Variants in B3GALT1 observed in about 807,000 individuals in gnomAD.
The protein encoded by B3GALT1 is beta-1,3-galactosyltransferase 1, also known as UDP-Gal:betaGlcNAc beta 1,3-galactosyltransferase, polypeptide 1.
Under a neutral mutation model 23.2 loss-of-function variants are expected in B3GALT1, and 10 were observed. The ratio of observed to expected loss-of-function variants is 0.43; its 90% CI spans 0.27 to 0.73. B3GALT1 has a LOEUF of 0.73. B3GALT1 is among the 30% of genes least tolerant of loss of function. B3GALT1 has a pLI of 0.21. For synonymous variants in B3GALT1, 156 were observed against 141.5 expected (o/e 1.10, Z -0.73); for missense variants, 299 against 405.4 (o/e 0.74, Z 2.25).
chr2:167,415,399 A>G lies in B3GALT1; in HGVS notation c.-510-74778A>G, dbSNP rs374325146. ...CTTGACCTTGTACTTCTTAGCTTCT[A>G]TAACTGGGAGAAGTAAATTTCTTTT... On this transcript the variant is annotated intron_variant, in intron 1 of 4. Coordinates refer to ENST00000392690, the MANE Select transcript of B3GALT1 (RefSeq NM_020981.4). Among the ~76,000 whole-genome samples, 22 of 152,320 alleles carry G rather than the reference A, an allele frequency of 1.4e-4. No homozygotes were observed. In the East Asian group the frequency reaches 3.7e-3, roughly 25 times the overall value.
chr2:167,375,939 G>A (rs1480435996), intron 1 of B3GALT1, among the ~76,000 whole-genome samples: 1 of 152,138 alleles, frequency 6.6e-6, no homozygotes, highest in Non-Finnish European at 1.5e-5. Context: ...TGCCTGTTCA[G>A]TATGATGTTG....
At chr2:167,551,860 G>A (rs1037809310) in intron 2 of B3GALT1, among the ~76,000 whole-genome samples, 1 of 152,092 alleles carries the variant, frequency 6.6e-6, no homozygotes, top group Non-Finnish European at 1.5e-5. Context: ...TGGAGGTCTG[G>A]GAGCACACTG....
chr2:167,398,169 G>A lies in B3GALT1; in HGVS notation c.-510-92008G>A, dbSNP rs541432711. 5.3e-5 allele frequency among the ~76,000 whole-genome samples: 8 copies of A among 152,058 alleles called. No homozygotes were observed. In the East Asian group the frequency reaches 5.8e-4, roughly 11 times the overall value. ...CAAAGTTTTTGTTTCAGTCTCTCAG[G>A]ATATAATCAAGATTAGTTCATGCTA... On this transcript the variant is annotated intron_variant, in intron 1 of 4. Coordinates refer to ENST00000392690, the MANE Select transcript of B3GALT1 (RefSeq NM_020981.4).
chr2:167,807,848 G>A (rs1041304898), intron 3 of B3GALT1, among the ~76,000 whole-genome samples: 1 of 152,206 alleles, frequency 6.6e-6, no homozygotes, highest in African/African-American at 2.4e-5. Context: ...GTGCAGAGCT[G>A]AGTTCAATTC....
intron 3 of B3GALT1, among the ~76,000 whole-genome samples, chr2:167,811,041 G>A (rs1427229383): frequency 6.6e-6 from 1 of 152,134 alleles, no homozygotes; most frequent in Admixed American, 6.5e-5. Flanking sequence ...GCAAGAAGTG[G>A]CATCCTATAT....
chr2:167,734,955 G>A lies in B3GALT1; in HGVS notation c.-351-83717G>A, dbSNP rs185023991. ...CCCCTCCTCATTTTAAATATGTTCA[G>A]TCTTTTATTTCTCTTCCCTTTCTGC... On this transcript the variant is annotated intron_variant, in intron 3 of 4. Transcript: ENST00000392690. Among the ~76,000 whole-genome samples the A allele has an allele frequency of 2.1e-3, 324 of 151,998 alleles. 2 individuals carry two copies. The highest frequency in any genetic ancestry group is 7.6e-3 in the African/African-American group (314 of 41,432).
chr2:167,391,245 C>A (rs1698011164), intron 1 of B3GALT1, among the ~76,000 whole-genome samples: 1 of 152,150 alleles, frequency 6.6e-6, no homozygotes, highest in Admixed American at 6.5e-5. Context: ...AACTGGATAA[C>A]AGTACATTTA....
At chr2:167,461,920 A>C (rs1450998010) in intron 1 of B3GALT1, among the ~76,000 whole-genome samples, 1 of 152,192 alleles carries the variant, frequency 6.6e-6, no homozygotes, top group Non-Finnish European at 1.5e-5. Flanking sequence ...CCATGTTGCA[A>C]TATAAAATGT....
chr2:167,788,940 G>A (rs113792018), intron 3 of B3GALT1, among the ~76,000 whole-genome samples: 9 of 152,220 alleles, frequency 5.9e-5, no homozygotes, highest in East Asian at 1.9e-4. Context: ...ATATTCCTGT[G>A]TATATTTTCT....
intron 1 of B3GALT1, among the ~76,000 whole-genome samples, chr2:167,444,996 G>C (rs933591510): frequency 6.6e-5 from 10 of 152,092 alleles, no homozygotes; most frequent in African/African-American, 2.4e-4. Flanking sequence ...TCTCTTTTGG[G>C]CATTTAGTGC....
intron 2 of B3GALT1, among the ~76,000 whole-genome samples, chr2:167,513,182 A>T (rs1031140992): frequency 1.2e-4 from 18 of 151,908 alleles, no homozygotes; most frequent in African/African-American, 4.3e-4. Context: ...GTCATCAGCC[A>T]TGTATAAAAT....
At chr2:167,593,397 C>T (rs1000638736) in intron 2 of B3GALT1, among the ~76,000 whole-genome samples, 8 of 151,974 alleles carry the variant, frequency 5.3e-5, no homozygotes, top group Non-Finnish European at 8.8e-5. Flanking sequence ...TTTTCCTAAC[C>T]GCACACAATA....
At chr2:167,403,179 C>T (rs557578689) in intron 1 of B3GALT1, among the ~76,000 whole-genome samples, 2 of 130,686 alleles carry the variant, frequency 1.5e-5, no homozygotes, top group Admixed American at 7.9e-5. Context: ...CCCCTCCCCC[C>T]ACCCCACTAC....
chr2:167,581,137 TCCTACAGAGTAA>T, intron 2 of B3GALT1, among the ~76,000 whole-genome samples: 1 of 152,188 alleles, frequency 6.6e-6, no homozygotes, highest in Non-Finnish European at 1.5e-5. Context: ...GGTTTTCTGT[TCCTACAGAGTAA>T]AGGATCATCC....
chr2:167,312,024 C>A (rs767665532), intron 1 of B3GALT1, among the ~76,000 whole-genome samples: 2 of 151,648 alleles, frequency 1.3e-5, no homozygotes, highest in Non-Finnish European at 3.0e-5. Context: ...TAATAAAATT[C>A]CAAAAACAAA....
At chr2:167,561,778 G>T (rs927057265) in intron 2 of B3GALT1, among the ~76,000 whole-genome samples, 3 of 152,090 alleles carry the variant, frequency 2.0e-5, no homozygotes, top group Non-Finnish European at 2.9e-5. Flanking sequence ...TCTCTGAATA[G>T]ACCAATAACA....
At chr2:167,575,137 G>C (rs1369491487) in intron 2 of B3GALT1, among the ~76,000 whole-genome samples, 1 of 151,754 alleles carries the variant, frequency 6.6e-6, no homozygotes, top group African/African-American at 2.4e-5. Context: ...TTATAGCCCT[G>C]TTATAAGGAT....
chr2:167,637,758 G>A (rs1370360584), intron 2 of B3GALT1, among the ~76,000 whole-genome samples: 3 of 151,312 alleles, frequency 2.0e-5, no homozygotes, highest in Non-Finnish European at 1.5e-5. Context: ...TGCAGTATTT[G>A]TCTTTTTGGG....
intron 3 of B3GALT1, among the ~76,000 whole-genome samples, chr2:167,769,978 G>C (rs993576408): frequency 6.6e-6 from 1 of 152,164 alleles, no homozygotes; most frequent in Non-Finnish European, 1.5e-5. Context: ...CTGATTTCTA[G>C]GTGGCTATAC....
Sources: gnomAD v4.1 joint callset for allele counts (sites outside exome capture counted in the v4.1 genomes callset) on GRCh38, gnomAD v4.1.1 for gene constraint, MANE v1.5 for transcripts, NCBI Gene and HGNC (gene_info 2026-07-23, HGNC 2026-07-21) for gene names.